Variants in LRRC4C observed in about 807,000 individuals in gnomAD.
The protein encoded by LRRC4C is leucine rich repeat containing 4C.
LRRC4C carries 5 observed loss-of-function variants against 33.6 expected under a neutral mutation model. The ratio of observed to expected loss-of-function variants is 0.15; its 90% CI spans 0.08 to 0.31. The LOEUF (loss-of-function observed/expected upper bound fraction) is 0.31, where lower values mean the gene tolerates loss of function less well. LRRC4C is among the 10% of genes least tolerant of loss of function. The pLI is 1.00. For missense variants in LRRC4C, 560 were observed against 796.7 expected (o/e 0.70, Z 3.58); for synonymous variants, 329 against 302.0 (o/e 1.09, Z -0.93).
intron 2 of LRRC4C, among the ~76,000 whole-genome samples, chr11:40,680,490 T>C (rs1944631212): frequency 6.6e-6 from 1 of 152,174 alleles, no homozygotes; most frequent in African/African-American, 2.4e-5. Context: ...CCACCTGTTG[T>C]TCGAGGGACC....
chr11:40,707,813 T>C (rs568690615), intron 2 of LRRC4C, among the ~76,000 whole-genome samples: 2 of 152,286 alleles, frequency 1.3e-5, no homozygotes, highest in South Asian at 2.1e-4. Flanking sequence ...ACCTCTGGTA[T>C]AATTCGGCTG....
chr11:40,769,925 A>G (rs2137156925), intron 2 of LRRC4C, among the ~76,000 whole-genome samples: 1 of 152,274 alleles, frequency 6.6e-6, no homozygotes, highest in South Asian at 2.1e-4. Flanking sequence ...GTGGGCAAAT[A>G]TTTCTTGAGT....
intron 2 of LRRC4C, among the ~76,000 whole-genome samples, chr11:40,853,435 T>C (rs1267931793): frequency 6.7e-6 from 1 of 148,378 alleles, no homozygotes; most frequent in Non-Finnish European, 1.5e-5. Context: ...TATATAGATA[T>C]ATATTTATAT....
At chr11:40,586,791 G>A (rs1958772116) in intron 3 of LRRC4C, among the ~76,000 whole-genome samples, 1 of 151,904 alleles carries the variant, frequency 6.6e-6, no homozygotes, top group African/African-American at 2.4e-5. Context: ...TTGTATATAT[G>A]CGGCGTTATT....
chr11:40,220,731 C>A (rs1024415186), intron 5 of LRRC4C, among the ~76,000 whole-genome samples: 1 of 151,914 alleles, frequency 6.6e-6, no homozygotes, highest in Non-Finnish European at 1.5e-5. Context: ...GTGAATGAAA[C>A]TTAATAAAAT....
intron 3 of LRRC4C, among the ~76,000 whole-genome samples, chr11:40,535,301 T>C (rs1358867310): frequency 6.6e-6 from 1 of 152,192 alleles, no homozygotes; most frequent in African/African-American, 2.4e-5. Flanking sequence ...CTGCAATTTT[T>C]AACCAGAGAA....
At chr11:40,381,658 C>T (rs1043063524) in intron 3 of LRRC4C, among the ~76,000 whole-genome samples, 3 of 151,910 alleles carry the variant, frequency 2.0e-5, no homozygotes, top group African/African-American at 7.3e-5. Flanking sequence ...AACCTGAGAA[C>T]GTGACTCTCT....
At chr11:40,270,613 C>A (rs913633193) in intron 4 of LRRC4C, among the ~76,000 whole-genome samples, 1 of 151,922 alleles carries the variant, frequency 6.6e-6, no homozygotes, top group Non-Finnish European at 1.5e-5. Context: ...GAAAATTATC[C>A]TCTTCTATTT....
rs530347049 is a variant in LRRC4C, at chr11:40,187,916, G to A, written c.-95-47063C>T. 3.4e-4 allele frequency among the ~76,000 whole-genome samples: 52 copies of A among 152,274 alleles called. 1 individual carries two copies. In the South Asian group the frequency reaches 0.011, roughly 31 times the overall value. On this transcript the variant is annotated intron_variant, in intron 5 of 6. Coordinates refer to ENST00000528697, the MANE Select transcript of LRRC4C (RefSeq NM_001258419.2). The stretch of plus-strand genomic sequence containing the variant: ...GTGTGTGGGGGTCGGGGAAAGAGAA[G>A]GAGAGAGATCCTCTGCTAGCCAGCC...
chr11:41,079,165 A>G (rs1325586155), intron 1 of LRRC4C, among the ~76,000 whole-genome samples: 1 of 152,166 alleles, frequency 6.6e-6, no homozygotes, highest in Non-Finnish European at 1.5e-5. Context: ...CCACTACTAC[A>G]TTTGGTTATG....
chr11:40,918,730 C>T (rs764654802), intron 2 of LRRC4C, among the ~76,000 whole-genome samples: 43 of 152,112 alleles, frequency 2.8e-4, no homozygotes, highest in Admixed American at 1.1e-3. Context: ...GGCTTCCCCA[C>T]GTTACATAGT....
chr11:40,142,116 C>G (rs1467898501), intron 5 of LRRC4C, among the ~76,000 whole-genome samples: 3 of 151,544 alleles, frequency 2.0e-5, no homozygotes, highest in Admixed American at 6.6e-5. Context: ...AACCCTGTCT[C>G]CACTAAAAAT....
intron 1 of LRRC4C, among the ~76,000 whole-genome samples, chr11:41,409,272 C>G (rs909283601): frequency 6.6e-6 from 1 of 152,172 alleles, no homozygotes; most frequent in Non-Finnish European, 1.5e-5. Flanking sequence ...TAAAGTATGG[C>G]TTACACTCGT....
chr11:40,248,515 G>A (rs1018496613), intron 4 of LRRC4C, among the ~76,000 whole-genome samples: 1 of 152,100 alleles, frequency 6.6e-6, no homozygotes, highest in African/African-American at 2.4e-5. Context: ...AGTATCGTTT[G>A]AGGCCAAAAG....
intron 4 of LRRC4C, among the ~76,000 whole-genome samples, chr11:40,265,998 G>A (rs1942229271): frequency 6.6e-6 from 1 of 152,108 alleles, no homozygotes; most frequent in South Asian, 2.1e-4. Flanking sequence ...ATGTGACTTT[G>A]TTTTAAAAAG....
chr11:40,556,312 C>A (rs936090048), intron 3 of LRRC4C, among the ~76,000 whole-genome samples: 1 of 152,088 alleles, frequency 6.6e-6, no homozygotes, highest in Non-Finnish European at 1.5e-5. Context: ...GCTTTCCTAC[C>A]AAGTTCTGTT....
chr11:40,372,592 G>A (rs914954196), intron 3 of LRRC4C, among the ~76,000 whole-genome samples: 2 of 152,112 alleles, frequency 1.3e-5, no homozygotes, highest in Non-Finnish European at 2.9e-5. Flanking sequence ...AGAAATTAGG[G>A]CAGAGGCATA....
At chr11:41,434,682 A>T (rs1413904557) in intron 1 of LRRC4C, among the ~76,000 whole-genome samples, 1 of 152,146 alleles carries the variant, frequency 6.6e-6, no homozygotes, top group Non-Finnish European at 1.5e-5. Context: ...ACTAGCAAGA[A>T]GTGCACCTTT....
At chr11:40,371,727 A>G (rs59031560) in intron 3 of LRRC4C, among the ~76,000 whole-genome samples, 13,906 of 152,284 alleles carry the variant, frequency 0.091, 684 homozygotes, top group Middle Eastern at 0.15. Flanking sequence ...TCATAGAGAA[A>G]TGTAAGAATA....
Sources: allele counts gnomAD v4.1 joint callset (sites outside exome capture counted in the v4.1 genomes callset), GRCh38; gene constraint gnomAD v4.1.1; transcripts MANE v1.5; gene names NCBI Gene and HGNC (gene_info 2026-07-23, HGNC 2026-07-21).